The following SRGAP2 variants were observed in gnomAD, a reference collection of about 807,000 sequenced individuals.
SRGAP2 encodes the protein SLIT-ROBO Rho GTPase activating protein 2.
Under a neutral mutation model 57.2 loss-of-function variants are expected in SRGAP2, and 15 were observed. The observed-to-expected ratio is 0.26, with a 90% CI of 0.18 to 0.40. SRGAP2 has a LOEUF of 0.40. Among genes scored for constraint, SRGAP2 ranks in the 10% least tolerant of loss-of-function variants. The pLI is 1.00. For missense variants in SRGAP2, 520 were observed against 669.6 expected (o/e 0.78, Z 2.47); for synonymous variants, 249 against 248.0 (o/e 1.00, Z -0.04).
chr1:206,314,107 T>TTTTTTTTTG (rs1672882441), intron 3 of SRGAP2, among the ~76,000 whole-genome samples: 1 of 130,174 alleles, frequency 7.7e-6, no homozygotes, highest in African/African-American at 3.3e-5. Context: ...TTTTTTTTGT[T>TTTTTTTTTG]TTTTTTTTTT....
intron 18 of SRGAP2, among the ~76,000 whole-genome samples, chr1:206,450,052 A>T (rs114788295): frequency 6.6e-6 from 1 of 152,068 alleles, no homozygotes; most frequent in African/African-American, 2.4e-5. Context: ...CCCTTTGAAA[A>T]CCAGGAATGA....
chr1:206,230,052 A>C (rs1667533564), intron 2 of SRGAP2, among the ~76,000 whole-genome samples: 1 of 152,114 alleles, frequency 6.6e-6, no homozygotes, highest in African/African-American at 2.4e-5. Context: ...ATGCCTCATA[A>C]GTAAAGAAAA....
chr1:206,296,482 T>A (rs1346653316), intron 2 of SRGAP2, among the ~76,000 whole-genome samples: 1 of 150,782 alleles, frequency 6.6e-6, no homozygotes, highest in Non-Finnish European at 1.5e-5. Context: ...CAGGCTGGAG[T>A]ATAGTGGCAC....
At chr1:206,287,282 C>T (rs1419926927) in intron 2 of SRGAP2, among the ~76,000 whole-genome samples, 2 of 150,988 alleles carry the variant, frequency 1.3e-5, no homozygotes, top group African/African-American at 2.4e-5. Context: ...TTCTAGGTAC[C>T]TGTTAGATGG....
intron 13 of SRGAP2, among the ~76,000 whole-genome samples, chr1:206,427,000 T>C (rs1558420889): frequency 6.6e-6 from 1 of 152,192 alleles, no homozygotes; most frequent in Non-Finnish European, 1.5e-5. Flanking sequence ...TTTGCTTTTG[T>C]TGCCTATGCT....
intron 2 of SRGAP2, among the ~76,000 whole-genome samples, chr1:206,216,576 A>G (rs1666656272): frequency 6.6e-6 from 1 of 151,570 alleles, no homozygotes. Context: ...GTAAATGGGG[A>G]AGGAGAGGTC....
intron 4 of SRGAP2, among the ~76,000 whole-genome samples, chr1:206,366,228 C>G (rs1251198188): frequency 2.0e-5 from 3 of 152,192 alleles, no homozygotes; most frequent in Non-Finnish European, 4.4e-5. Flanking sequence ...AGACCCTGAC[C>G]CCATCTCAAC....
rs576737016 is a variant in SRGAP2 at position 206,408,828 on chromosome 1, A to G, written c.1356+2254A>G. Among the ~76,000 whole-genome samples, 9 of 151,916 alleles carry G rather than the reference A, an allele frequency of 5.9e-5. No homozygotes were observed. The South Asian group carries it at 1.9e-3, about 31-fold the overall frequency. On this transcript the variant is annotated intron_variant, in intron 10 of 22. Coordinates refer to ENST00000573034, the MANE Select transcript of SRGAP2 (RefSeq NM_015326.5). Reference sequence around the variant, plus strand: ...CCACCCTTTCACTTTCTGTCTCAATACATTGATGTCCTCTAACCCATTTCC... The same window carrying G: ...CCACCCTTTCACTTTCTGTCTCAATGCATTGATGTCCTCTAACCCATTTCC...
At chr1:206,374,295 C>T (rs1482137433) in intron 4 of SRGAP2, among the ~76,000 whole-genome samples, 27 of 150,800 alleles carry the variant, frequency 1.8e-4, no homozygotes, top group Non-Finnish European at 3.2e-4. Context: ...GGATTACAGG[C>T]GTGAGCCACC....
rs1165950488 is a variant in SRGAP2, at chr1:206,279,581, A to AT, written c.68-23682dup. Among the ~76,000 whole-genome samples the AT allele has an allele frequency of 5.0e-3, 434 of 86,520 alleles. 4 individuals are homozygous for AT. The highest frequency in any genetic ancestry group is 0.01 in the Admixed American group (93 of 9,078). 56.8% of individuals were successfully genotyped at this position (86,520 alleles called of 152,430 possible). On this transcript the variant is annotated intron_variant, in intron 2 of 22. Coordinates refer to ENST00000573034, the MANE Select transcript of SRGAP2 (RefSeq NM_015326.5). ...CAGACATGCACCACCACACCTGGCT[A>AT]TTTTTTTTTTTTTTTTTTGTAGAGA...
chr1:206,448,524 A>G (rs1662962691), intron 18 of SRGAP2, among the ~76,000 whole-genome samples: 1 of 152,198 alleles, frequency 6.6e-6, no homozygotes, highest in Admixed American at 6.5e-5. Context: ...AGTGGTTTTC[A>G]AAGTGAGGTC....
rs782015320 is a variant in SRGAP2 at position 206,453,283 on chromosome 1, C to T, written c.2263C>T (p.Leu755=). The T allele has an allele frequency of 1.3e-5, 10 of 760,678 alleles. No homozygotes were observed. Among genetic ancestry groups the T allele is most frequent in the Non-Finnish European group, 2.5e-5 (10 of 408,016 alleles). The allele number at this position is 760,678 out of a possible 1,614,324, so 47.1% of individuals were successfully genotyped here. Residue 755 remains leucine (L), a synonymous_variant, in exon 20 of 23, where the codon CTG becomes TTG. Transcript: ENST00000573034. Reference sequence around the variant, plus strand: ...GCTATCCTTTAAGAAGGGAGCATCCCTGCTGCTTTACCAGCGGGCTTCCGA... The same window carrying T: ...GCTATCCTTTAAGAAGGGAGCATCCTTGCTGCTTTACCAGCGGGCTTCCGA... ...RELSFKKGAS[L]LLYQRASDDW...
At chr1:206,412,917 C>T (rs1257880771) in intron 10 of SRGAP2, among the ~76,000 whole-genome samples, 1 of 152,202 alleles carries the variant, frequency 6.6e-6, no homozygotes, top group East Asian at 1.9e-4. Context: ...TGGAAAACTC[C>T]CAACTGTGGT....
chr1:206,253,172 AC>A (rs1668944866), intron 2 of SRGAP2, among the ~76,000 whole-genome samples: 1 of 151,352 alleles, frequency 6.6e-6, no homozygotes, highest in Admixed American at 6.6e-5. Context: ...GTCGAGGAGA[AC>A]GCTGTTCTCG....
chr1:206,462,035 C>G lies in SRGAP2; in HGVS notation c.*615C>G. 6.6e-6 allele frequency: 1 copy of G among 152,232 alleles called. No individual in the cohort carries two copies. The highest frequency in any genetic ancestry group is 1.9e-4 in the East Asian group (1 of 5,188). The allele number at this position is 152,232 out of a possible 1,614,324, so 9.4% of individuals were successfully genotyped here. On this transcript the variant is annotated 3_prime_UTR_variant, in exon 23 of 23. Transcript: ENST00000573034. ...CAGTAGCCACCAGGGGTCTCTGTTTCCATCACAAACTTTGTTCTGTCTGGG... is the reference window on the plus strand; with the variant it reads ...CAGTAGCCACCAGGGGTCTCTGTTTGCATCACAAACTTTGTTCTGTCTGGG...
At chr1:206,250,211 G>C (rs1276237442) in intron 2 of SRGAP2, among the ~76,000 whole-genome samples, 2 of 152,172 alleles carry the variant, frequency 1.3e-5, no homozygotes, top group East Asian at 1.9e-4. Flanking sequence ...CTGGGGGACT[G>C]TTTGGTCCAC....
chr1:206,318,928 A>C (rs1176908708), intron 3 of SRGAP2, among the ~76,000 whole-genome samples: 1 of 152,098 alleles, frequency 6.6e-6, no homozygotes, highest in East Asian at 1.9e-4. Flanking sequence ...GGGGACAGAC[A>C]TCCAAACCAT....
chr1:206,308,233 A>AT (rs1339690357), intron 3 of SRGAP2, among the ~76,000 whole-genome samples: 1 of 62,828 alleles, frequency 1.6e-5, no homozygotes, highest in Non-Finnish European at 3.2e-5. Flanking sequence ...TGGAGAGAAG[A>AT]TTTTGAATAC....
intron 17 of SRGAP2, among the ~76,000 whole-genome samples, chr1:206,441,626 A>G (rs1047361190): frequency 3.9e-5 from 6 of 152,222 alleles, no homozygotes; most frequent in East Asian, 1.9e-4. Flanking sequence ...TCAGGTGTCT[A>G]TTGTGTCTTG....
Sources: allele counts gnomAD v4.1 joint callset (sites outside exome capture counted in the v4.1 genomes callset), GRCh38; gene constraint gnomAD v4.1.1; transcripts MANE v1.5; gene names NCBI Gene and HGNC (gene_info 2026-07-23, HGNC 2026-07-21).